Variants in NIPBL observed in about 807,000 individuals in gnomAD.
NIPBL encodes nipped-B-like protein.
In NIPBL, 19 loss-of-function variants were observed where a neutral mutation model predicts 321.8. That is an observed-to-expected ratio of 0.06 (90% CI 0.04 to 0.09). The LOEUF (loss-of-function observed/expected upper bound fraction) is 0.09. Among genes scored for constraint, NIPBL ranks in the 10% least tolerant of loss-of-function variants. The pLI is 1.00. For synonymous variants in NIPBL, 1,106 were observed against 1,114.1 expected (o/e 0.99, Z 0.14); for missense variants, 2,210 against 3,327.0 (o/e 0.66, Z 8.26).
chr5:36,902,720 A>T (rs1444825241), intron 1 of NIPBL, among the ~76,000 whole-genome samples: 2 of 151,994 alleles, frequency 1.3e-5, no homozygotes, highest in Non-Finnish European at 2.9e-5. Flanking sequence ...TTCTTTGGCT[A>T]TTCGGGCTCT....
intron 23 of NIPBL, among the ~76,000 whole-genome samples, chr5:37,016,683 G>A (rs892664708): frequency 3.3e-5 from 5 of 151,944 alleles, no homozygotes; most frequent in African/African-American, 7.3e-5. Flanking sequence ...AATATTATTC[G>A]GAAACTATAA....
intron 1 of NIPBL, among the ~76,000 whole-genome samples, chr5:36,928,737 A>T (rs1444586050): frequency 6.6e-6 from 1 of 151,806 alleles, no homozygotes; most frequent in Non-Finnish European, 1.5e-5. Context: ...GTTTCTATAA[A>T]TTTTTCTGGA....
chr5:37,033,311 G>A (rs905434206), intron 32 of NIPBL, among the ~76,000 whole-genome samples: 9 of 152,114 alleles, frequency 5.9e-5, no homozygotes, highest in Admixed American at 4.6e-4. Flanking sequence ...ACTAATTTCT[G>A]AAAAAAGCTG....
At chr5:36,933,008 C>T (rs987289434) in intron 1 of NIPBL, among the ~76,000 whole-genome samples, 4 of 151,710 alleles carry the variant, frequency 2.6e-5, no homozygotes, top group Non-Finnish European at 2.9e-5. Context: ...TTTTTTAAAA[C>T]AACTTTTTAG....
intron 1 of NIPBL, among the ~76,000 whole-genome samples, chr5:36,931,581 T>C (rs1749779689): frequency 6.6e-6 from 1 of 152,126 alleles, no homozygotes; most frequent in Non-Finnish European, 1.5e-5. Flanking sequence ...GCCTGGAAAG[T>C]GCTGGGATTA....
chr5:36,972,449 C>T (rs1463135931), intron 8 of NIPBL, among the ~76,000 whole-genome samples: 1 of 151,958 alleles, frequency 6.6e-6, no homozygotes, highest in Non-Finnish European at 1.5e-5. Flanking sequence ...TTCATTAGCT[C>T]CTCTCCTTAT....
At chr5:36,940,884 TTGTTAC>T (rs1738990324) in intron 1 of NIPBL, among the ~76,000 whole-genome samples, 1 of 152,324 alleles carries the variant, frequency 6.6e-6, no homozygotes, top group Admixed American at 6.5e-5. Flanking sequence ...TCAAATGTTG[TTGTTAC>T]TGTTATGGAA....
chr5:36,881,477 C>T (rs1745496954), intron 1 of NIPBL, among the ~76,000 whole-genome samples: 2 of 151,820 alleles, frequency 1.3e-5, no homozygotes, highest in South Asian at 2.1e-4. Flanking sequence ...TTAAGTCTGT[C>T]CCCATAATAT....
chr5:36,939,574 A>G (rs1168727049), intron 1 of NIPBL, among the ~76,000 whole-genome samples: 2 of 152,318 alleles, frequency 1.3e-5, no homozygotes, highest in East Asian at 1.9e-4. Flanking sequence ...GCTTTTCGCT[A>G]TTATGAAATT....
chr5:36,882,020 T>C (rs71617771), intron 1 of NIPBL, among the ~76,000 whole-genome samples: 6,542 of 152,006 alleles, frequency 0.043, 208 homozygotes, highest in Non-Finnish European at 0.07. Flanking sequence ...GTATGACTGA[T>C]CATTTTGTAA....
At chr5:36,936,119 A>G (rs1412569076) in intron 1 of NIPBL, among the ~76,000 whole-genome samples, 7 of 152,146 alleles carry the variant, frequency 4.6e-5, no homozygotes, top group Non-Finnish European at 7.4e-5. Flanking sequence ...CCTGTCATCA[A>G]AGTTACTTGA....
At chr5:36,931,273 G>A (rs1441262555) in intron 1 of NIPBL, among the ~76,000 whole-genome samples, 2 of 151,680 alleles carry the variant, frequency 1.3e-5, no homozygotes, top group East Asian at 3.9e-4. Flanking sequence ...TTTAATATAA[G>A]TTGTGTAATT....
Position 37,000,446 on chromosome 5 carries a change from G to A in NIPBL, c.3378G>A (p.Gly1126=). 1 of 1,613,372 alleles carries A rather than the reference G, an allele frequency of 6.2e-7. No individual in the cohort carries two copies. Among genetic ancestry groups the A allele is most frequent in the Non-Finnish European group, 8.5e-7 (1 of 1,179,528 alleles). The change falls in exon 12 of 47, where the codon GGG becomes GGA. Residue 1126 remains glycine, a synonymous_variant. Coordinates refer to ENST00000282516, the MANE Select transcript of NIPBL (RefSeq NM_133433.4). ...AAGAGCGTGACAGAAGAAGCTCTGGGGATCATAGGAGAAGTGGCCACTCTC... is the reference window on the plus strand; with the variant it reads ...AAGAGCGTGACAGAAGAAGCTCTGGAGATCATAGGAGAAGTGGCCACTCTC... ...EYEERDRRSS[G]DHRRSGHSHE...
At chr5:36,972,813 C>CTG (rs1743017978) in intron 8 of NIPBL, among the ~76,000 whole-genome samples, 2 of 151,908 alleles carry the variant, frequency 1.3e-5, no homozygotes, top group African/African-American at 4.8e-5. Flanking sequence ...CTAACCTGTT[C>CTG]TGTTAATTTT....
At chr5:37,038,921 C>T (rs1335642705) in intron 34 of NIPBL, among the ~76,000 whole-genome samples, 183 bp downstream of exon 34, 1 of 152,112 alleles carries the variant, frequency 6.6e-6, no homozygotes, top group African/African-American at 2.4e-5. Context: ...AGTTCAGGTT[C>T]CATTTTGCTG....
chr5:37,022,566 CAA>C (rs1749769405), intron 29 of NIPBL, among the ~76,000 whole-genome samples, 176 bp downstream of exon 29: 1 of 152,164 alleles, frequency 6.6e-6, no homozygotes, highest in African/African-American at 2.4e-5. Context: ...ATAGCCCTTG[CAA>C]TATCATAAAA....
intron 4 of NIPBL, 28 bp from the exon 5 acceptor site, chr5:36,961,456 A>C (rs1230166661): frequency 1.6e-6 from 2 of 1,257,420 alleles, no homozygotes; most frequent in Non-Finnish European, 2.3e-6. Flanking sequence ...GAAGAAAATA[A>C]CGTTCTGTAT....
chr5:37,012,620 C>G (rs1315335532), intron 21 of NIPBL, among the ~76,000 whole-genome samples: 1 of 152,136 alleles, frequency 6.6e-6, no homozygotes, highest in Non-Finnish European at 1.5e-5. Context: ...TCCGGCCTTC[C>G]GCAGTGTTTG....
At chr5:36,961,853 G>A (rs1324683644) in intron 5 of NIPBL, among the ~76,000 whole-genome samples, 2 of 152,062 alleles carry the variant, frequency 1.3e-5, no homozygotes, top group African/African-American at 2.4e-5. Flanking sequence ...GAAGATTTAC[G>A]GAGCATGGCT....
Sources: allele counts gnomAD v4.1 joint callset (sites outside exome capture counted in the v4.1 genomes callset), GRCh38; gene constraint gnomAD v4.1.1; transcripts MANE v1.5; gene names NCBI Gene and HGNC (gene_info 2026-07-23, HGNC 2026-07-21).